Variants in DAAM1 observed in about 807,000 individuals in gnomAD.
DAAM1 encodes the protein disheveled-associated activator of morphogenesis 1.
Under a neutral mutation model 130.0 loss-of-function variants are expected in DAAM1, and 52 were observed. The observed-to-expected ratio is 0.40, with a 90% CI of 0.32 to 0.50. The LOEUF (loss-of-function observed/expected upper bound fraction) is 0.50. DAAM1 is among the 20% of genes least tolerant of loss of function. DAAM1 has a pLI of 0.61. For missense variants in DAAM1, 1,134 were observed against 1,303.8 expected, an observed-to-expected ratio of 0.87 and a Z score of 2.01; for synonymous variants, 452 against 444.5, an observed-to-expected ratio of 1.02 and a Z score of -0.21.
intron 3 of DAAM1, among the ~76,000 whole-genome samples, chr14:59,310,221 C>T (rs997171435): frequency 4.0e-5 from 6 of 151,738 alleles, no homozygotes; most frequent in Admixed American, 6.6e-5. Flanking sequence ...GCGATTCTCA[C>T]GCCTTAGCCT....
chr14:59,267,902 CTTTT>C (rs60615253), intron 2 of DAAM1, among the ~76,000 whole-genome samples: 11 of 113,616 alleles, frequency 9.7e-5, no homozygotes, highest in Non-Finnish European at 1.4e-4. Context: ...ACGCCCCCCC[CTTTT>C]TTTTTTTTTT....
At chr14:59,239,864 C>G (rs1217768454) in intron 1 of DAAM1, among the ~76,000 whole-genome samples, 1 of 152,138 alleles carries the variant, frequency 6.6e-6, no homozygotes, top group Non-Finnish European at 1.5e-5. Flanking sequence ...CTTTTTAGCA[C>G]CATACATACC....
intron 10 of DAAM1, among the ~76,000 whole-genome samples, chr14:59,326,287 TA>T (rs1165314019): frequency 4.6e-5 from 7 of 152,180 alleles, no homozygotes; most frequent in African/African-American, 1.7e-4. Flanking sequence ...ATTTTAAAAA[TA>T]AAAAATATGC....
intron 3 of DAAM1, among the ~76,000 whole-genome samples, chr14:59,306,906 G>A (rs1021858185): frequency 2.6e-5 from 4 of 152,144 alleles, no homozygotes; most frequent in Non-Finnish European, 5.9e-5. Context: ...CAGAATTGTG[G>A]TGTAATGGTC....
rs924768423 is a variant in DAAM1, at chr14:59,368,293, C to T, written c.2998-357C>T. On this transcript the variant is annotated intron_variant, in intron 24 of 24. Transcript: ENST00000360909. ...GATATAAGGAAAATGGCCTGATGACCATTTGCTTTAGTTATTTGGGGTCTA... is the reference window on the plus strand; with the variant it reads ...GATATAAGGAAAATGGCCTGATGACTATTTGCTTTAGTTATTTGGGGTCTA... Among the ~76,000 whole-genome samples, 12 of 152,104 alleles carry T rather than the reference C, an allele frequency of 7.9e-5. No homozygotes were observed. In the East Asian group the frequency reaches 2.3e-3, roughly 29 times the overall value.
intron 20 of DAAM1, among the ~76,000 whole-genome samples, chr14:59,356,544 C>A (rs1211375573): frequency 1.3e-5 from 2 of 152,204 alleles, no homozygotes; most frequent in Non-Finnish European, 2.9e-5. Flanking sequence ...CCTATGGTTA[C>A]AACAAGCAAG....
At chr14:59,342,718 T>C (rs1052913994) in intron 16 of DAAM1, among the ~76,000 whole-genome samples, 3 of 152,100 alleles carry the variant, frequency 2.0e-5, no homozygotes, top group Admixed American at 1.3e-4. Flanking sequence ...GTGAGAAGAT[T>C]TGTGCGCAGT....
intron 1 of DAAM1, among the ~76,000 whole-genome samples, chr14:59,213,459 A>G (rs1888489555): frequency 6.6e-6 from 1 of 151,894 alleles, no homozygotes. Flanking sequence ...CCTGTTAGTT[A>G]ATGTTGAAGC....
intron 1 of DAAM1, among the ~76,000 whole-genome samples, chr14:59,230,128 A>G (rs549393479): frequency 1.6e-4 from 24 of 152,122 alleles, no homozygotes; most frequent in Non-Finnish European, 3.4e-4. Context: ...CTCTTTGTGA[A>G]ACAGCAGGTA....
At chr14:59,253,742 C>T (rs967344409) in intron 1 of DAAM1, among the ~76,000 whole-genome samples, 6 of 152,164 alleles carry the variant, frequency 3.9e-5, no homozygotes, top group African/African-American at 1.4e-4. Context: ...TGGTTTGGGG[C>T]TGTGAGGGCT....
intron 2 of DAAM1, among the ~76,000 whole-genome samples, chr14:59,281,025 A>G (rs577825324): frequency 2.2e-5 from 3 of 139,510 alleles, no homozygotes; most frequent in South Asian, 2.4e-4. Context: ...CTCACCAGAC[A>G]TTTCCTGCAG....
intron 18 of DAAM1, among the ~76,000 whole-genome samples, chr14:59,353,540 A>G (rs919136239): frequency 1.3e-5 from 2 of 152,226 alleles, no homozygotes; most frequent in African/African-American, 4.8e-5. Context: ...TCTATGCTCA[A>G]AAGAGTTCCT....
intron 21 of DAAM1, among the ~76,000 whole-genome samples, chr14:59,359,712 C>T (rs1475019930): frequency 6.6e-6 from 1 of 152,178 alleles, no homozygotes; most frequent in Non-Finnish European, 1.5e-5. Context: ...ATACTGCATG[C>T]AATTTTTAAC....
chr14:59,303,634 C>T (rs1273254728), intron 3 of DAAM1, among the ~76,000 whole-genome samples: 2 of 152,120 alleles, frequency 1.3e-5, no homozygotes, highest in South Asian at 4.1e-4. Context: ...CGATGGCTAA[C>T]GCCTGTAATC....
chr14:59,216,822 T>C (rs1164943314), intron 1 of DAAM1, among the ~76,000 whole-genome samples: 1 of 152,164 alleles, frequency 6.6e-6, no homozygotes, highest in Non-Finnish European at 1.5e-5. Context: ...ACCGTTTGTG[T>C]GATTTCTGTA....
At chr14:59,215,958 G>A (rs1484330006) in intron 1 of DAAM1, among the ~76,000 whole-genome samples, 3 of 152,120 alleles carry the variant, frequency 2.0e-5, no homozygotes, top group Non-Finnish European at 4.4e-5. Flanking sequence ...CTTGCTGAGC[G>A]GGACCATATG....
Position 59,323,078 on chromosome 14 carries a change from T to C in DAAM1, c.627T>C (p.Ala209=). Residue 209 remains alanine (A), a synonymous_variant, in exon 6 of 25, where the codon GCT becomes GCC. Coordinates refer to ENST00000360909, the MANE Select transcript of DAAM1 (RefSeq NM_001270520.2). Reference sequence around the variant, plus strand: ...ATTCTGAGAGTATTAATGTAATTGCTCAGAGTCTGAGCACAGAGAACATTA... The same window carrying C: ...ATTCTGAGAGTATTAATGTAATTGCCCAGAGTCTGAGCACAGAGAACATTA... ...LAHSESINVI[A]QSLSTENIKT... is the part of the protein sequence containing the mutation. 1.2e-6 allele frequency: 2 copies of C among 1,613,836 alleles called. No homozygotes were observed. The highest frequency in any genetic ancestry group is 1.7e-5 in the Admixed American group (1 of 60,002).
chr14:59,245,082 G>A (rs1006799514), intron 1 of DAAM1, among the ~76,000 whole-genome samples: 6 of 152,182 alleles, frequency 3.9e-5, no homozygotes, highest in Admixed American at 1.3e-4. Flanking sequence ...GGTGATGTAT[G>A]TAGAAATCAT....
intron 1 of DAAM1, among the ~76,000 whole-genome samples, chr14:59,250,798 A>G (rs1312874716): frequency 6.6e-6 from 1 of 152,268 alleles, no homozygotes. Flanking sequence ...TGCATCCCGT[A>G]TATAGGTAGG....
Sources: allele counts gnomAD v4.1 joint callset (sites outside exome capture counted in the v4.1 genomes callset), GRCh38; gene constraint gnomAD v4.1.1; transcripts MANE v1.5; gene names NCBI Gene and HGNC (gene_info 2026-07-23, HGNC 2026-07-21).